The following CPNE4 variants were observed in gnomAD, a reference collection of about 807,000 sequenced individuals.
The protein encoded by CPNE4 is copine 4, also known as copine-4.
A neutral mutation model predicts 67.9 loss-of-function variants in CPNE4; 25 were observed. That is an observed-to-expected ratio of 0.37 (90% CI 0.27 to 0.51). CPNE4 has a LOEUF of 0.51. Among genes scored for constraint, CPNE4 ranks in the 20% least tolerant of loss-of-function variants. The pLI, the probability that CPNE4 is intolerant of heterozygous loss-of-function variation, is 0.93. For missense variants in CPNE4, 464 were observed against 690.8 expected (o/e 0.67, Z 3.68); for synonymous variants, 242 against 244.9 (o/e 0.99, Z 0.11).
chr3:131,984,714 A>G (rs1182695030), intron 1 of CPNE4, among the ~76,000 whole-genome samples: 1 of 152,222 alleles, frequency 6.6e-6, no homozygotes, highest in Admixed American at 6.5e-5. Context: ...CTGCTCATAT[A>G]CATGGAAGGT....
Position 131,696,545 on chromosome 3 carries a change from G to A in CPNE4, c.504C>T (p.Asp168=). 3 of 1,613,644 alleles carry A rather than the reference G, an allele frequency of 1.9e-6. No homozygotes were observed. Among genetic ancestry groups the A allele is most frequent in the Non-Finnish European group, 2.5e-6 (3 of 1,179,618 alleles). The change falls in exon 5 of 16, where the codon GAC becomes GAT. Residue 168 remains aspartate, a synonymous_variant. Transcript: ENST00000429747. ...ELAFNARKLD[D]KDFFSKSDPF... is the part of the protein sequence containing the mutation. ...AGGTTAATGCCAAACGCTTTACCTT[G>A]TCATCCAATTTCCGTGCATTGAATG...
chr3:131,828,732 C>T (rs1424668265), intron 2 of CPNE4, among the ~76,000 whole-genome samples: 1 of 152,086 alleles, frequency 6.6e-6, no homozygotes, highest in Admixed American at 6.6e-5. Flanking sequence ...ACTTGGGAGC[C>T]TGAGGTGAGA....
chr3:131,800,367 G>A (rs905931717), intron 2 of CPNE4, among the ~76,000 whole-genome samples: 4 of 152,118 alleles, frequency 2.6e-5, no homozygotes, highest in African/African-American at 9.7e-5. Context: ...CACATGACAA[G>A]CTTCTTGAAG....
intron 2 of CPNE4, among the ~76,000 whole-genome samples, chr3:131,886,616 C>T (rs1256659440): frequency 3.9e-5 from 6 of 152,216 alleles, no homozygotes; most frequent in Non-Finnish European, 8.8e-5. Context: ...CCTGTGAAAG[C>T]AGCTGGGAGG....
intron 7 of CPNE4, among the ~76,000 whole-genome samples, chr3:131,628,895 C>T (rs969011434): frequency 3.9e-4 from 59 of 151,974 alleles, no homozygotes; most frequent in Non-Finnish European, 7.1e-4. Flanking sequence ...GTGTCTCTAT[C>T]TCCTTCAGTT....
intron 7 of CPNE4, among the ~76,000 whole-genome samples, chr3:131,601,027 C>A (rs6778249): frequency 0.13 from 20,222 of 152,088 alleles, 1,920 homozygotes; most frequent in African/African-American, 0.26. Context: ...AAAGAAGTCA[C>A]TACCTTCAGG....
At chr3:132,017,764 T>C (rs1172978592) in intron 1 of CPNE4, 5 of 152,248 alleles carry the variant, frequency 3.3e-5, no homozygotes, top group Non-Finnish European at 7.3e-5. Flanking sequence ...ACAGGAGTTA[T>C]AGCGGGAGGC....
chr3:131,599,634 C>T (rs138167547), intron 7 of CPNE4, among the ~76,000 whole-genome samples: 1 of 152,232 alleles, frequency 6.6e-6, no homozygotes, highest in East Asian at 1.9e-4. Flanking sequence ...TGGGCTGGGG[C>T]CTCAGTCATG....
At position 131,983,457 on chromosome 3, in the gene CPNE4, A is replaced by T. The variant is rs146309691; in HGVS notation, c.-2+51110T>A. On this transcript the variant is annotated intron_variant, in intron 1 of 15. Coordinates refer to ENST00000429747, the MANE Select transcript of CPNE4 (RefSeq NM_130808.3). ...AGACTTACTGGATATCCTAATTAAT[A>T]CAAAAAGATCTCTTTAAAGTGCATA... 7.5e-3 allele frequency among the ~76,000 whole-genome samples: 1,141 copies of T among 152,310 alleles called. 46 individuals are homozygous for T. Among genetic ancestry groups the T allele is most frequent in the Admixed American group, 0.065 (993 of 15,294 alleles).
rs1424090054 is a variant in CPNE4 at position 132,034,900 on chromosome 3, G to C, written c.-335C>G. On this transcript the variant is annotated 5_prime_UTR_variant, in exon 1 of 16. Transcript: ENST00000429747. The stretch of plus-strand genomic sequence containing the variant: ...TAAAGAGGAGGGTACTGAGAAAAGA[G>C]GGAGGGAGTGGAGTGGAGCGAGGGA... The C allele has an allele frequency of 1.0e-6, 1 of 985,484 alleles. No homozygotes were observed. The highest frequency in any genetic ancestry group is 1.2e-6 in the Non-Finnish European group (1 of 829,982). 61.0% of individuals were successfully genotyped at this position (985,484 alleles called of 1,614,324 possible). A position where few individuals can be genotyped will look rare whatever the true frequency, so the allele number is the denominator to read the frequency against.
rs2107645876 is a variant in CPNE4, at chr3:131,552,075, A to C, written c.1168+365T>G. 1.3e-5 allele frequency among the ~76,000 whole-genome samples: 2 copies of C among 152,034 alleles called. 1 individual carries two copies. The highest frequency in any genetic ancestry group is 4.1e-4 in the South Asian group (2 of 4,828). On this transcript the variant is annotated intron_variant, in intron 13 of 15. Transcript: ENST00000429747. Reference sequence around the variant, plus strand: ...AGAGATGAAGTTGTGAAAAAAAAAAAAAAAAAACACTTGATGAAAATTTGG... The same window carrying C: ...AGAGATGAAGTTGTGAAAAAAAAAACAAAAAAACACTTGATGAAAATTTGG...
chr3:131,798,389 A>G (rs756083506), intron 2 of CPNE4, among the ~76,000 whole-genome samples: 1 of 152,176 alleles, frequency 6.6e-6, no homozygotes, highest in Non-Finnish European at 1.5e-5. Flanking sequence ...CTGTTTCATG[A>G]CCTGTACAAG....
intron 7 of CPNE4, among the ~76,000 whole-genome samples, chr3:131,627,462 T>C (rs2079108808): frequency 6.6e-6 from 1 of 152,228 alleles, no homozygotes; most frequent in Admixed American, 6.5e-5. Context: ...TTTTTGTGTC[T>C]GCTAACACAA....
chr3:131,592,380 A>G (rs1388406085), intron 7 of CPNE4, among the ~76,000 whole-genome samples: 2 of 152,226 alleles, frequency 1.3e-5, no homozygotes, highest in African/African-American at 2.4e-5. Flanking sequence ...GAAGTTAAGC[A>G]TCATAGCTTG....
chr3:132,025,411 A>G (rs1424932215), intron 1 of CPNE4, among the ~76,000 whole-genome samples: 1 of 152,248 alleles, frequency 6.6e-6, no homozygotes, highest in Non-Finnish European at 1.5e-5. Flanking sequence ...AAACTCCAGC[A>G]TAACGCTTGA....
chr3:131,653,733 C>T (rs1438459562), intron 7 of CPNE4, among the ~76,000 whole-genome samples: 1 of 152,216 alleles, frequency 6.6e-6, no homozygotes, highest in Non-Finnish European at 1.5e-5. Context: ...TAATCACAAA[C>T]TTCCAGGTCT....
intron 2 of CPNE4, among the ~76,000 whole-genome samples, chr3:131,801,358 A>G (rs537020265): frequency 1.5e-5 from 2 of 131,858 alleles, no homozygotes; most frequent in South Asian, 5.0e-4. Context: ...TATGTACCAT[A>G]TATATATATG....
intron 2 of CPNE4, among the ~76,000 whole-genome samples, chr3:131,736,169 T>C (rs944963925): frequency 1.0e-5 from 1 of 95,650 alleles, no homozygotes; most frequent in Non-Finnish European, 2.8e-5. Context: ...TGGCAGTAAT[T>C]AACTTAATAC....
At chr3:131,722,115 T>A (rs2107744101) in intron 3 of CPNE4, among the ~76,000 whole-genome samples, 1 of 152,236 alleles carries the variant, frequency 6.6e-6, no homozygotes, top group Non-Finnish European at 1.5e-5. Context: ...CTGGGAGAAA[T>A]TTCTTTTAGT....
Sources: gnomAD v4.1 joint callset for allele counts (sites outside exome capture counted in the v4.1 genomes callset) on GRCh38, gnomAD v4.1.1 for gene constraint, MANE v1.5 for transcripts, NCBI Gene and HGNC (gene_info 2026-07-23, HGNC 2026-07-21) for gene names.